The following ADAM23 variants were observed in gnomAD, a reference collection of about 807,000 sequenced individuals.
ADAM23 encodes the protein disintegrin and metalloproteinase domain-containing protein 23.
Under a neutral mutation model 120.1 loss-of-function variants are expected in ADAM23, and 33 were observed. That is an observed-to-expected ratio of 0.27 (90% CI 0.21 to 0.37). The LOEUF is 0.37. Ranked by LOEUF, ADAM23 falls within the 10% of genes least tolerant of loss-of-function variation. ADAM23 has a pLI of 1.00. For missense variants in ADAM23, 862 were observed against 1,058.2 expected, an observed-to-expected ratio of 0.81 and a Z score of 2.57; for synonymous variants, 367 against 375.2, an observed-to-expected ratio of 0.98 and a Z score of 0.25.
chr2:206,588,120 C>T lies in ADAM23; in HGVS notation c.1818C>T (p.Thr606=), dbSNP rs1472011271. The T allele has an allele frequency of 2.5e-6, 4 of 1,613,970 alleles. No individual in the cohort carries two copies. In the African/African-American group the frequency reaches 5.3e-5, roughly 22 times the overall value. The part of the protein sequence containing the change: ...QGRCYNGECK[T]RDNQCQYIWG... Reference sequence around the variant, plus strand: ...GCTGCTACAATGGCGAGTGCAAGACCAGAGACAACCAGTGTCAGTACATCT... The same window carrying T: ...GCTGCTACAATGGCGAGTGCAAGACTAGAGACAACCAGTGTCAGTACATCT... Residue 606 remains threonine (T), a synonymous_variant, in exon 20 of 26, where the codon ACC becomes ACT. Transcript: ENST00000264377.
chr2:206,499,805 C>A (rs1254431460), intron 3 of ADAM23, among the ~76,000 whole-genome samples: 1 of 152,002 alleles, frequency 6.6e-6, no homozygotes, highest in Admixed American at 6.6e-5. Flanking sequence ...TATTTTCATG[C>A]AGCTTTGAAT....
intron 3 of ADAM23, among the ~76,000 whole-genome samples, chr2:206,508,096 C>T (rs921054717): frequency 1.3e-5 from 2 of 152,098 alleles, no homozygotes; most frequent in African/African-American, 2.4e-5. Context: ...GTGGCGCAAT[C>T]TCGGCTCACT....
rs56206262 is a variant in ADAM23, at chr2:206,530,669, C to CTTTT, written c.510-197_510-194dup. 5.0e-3 allele frequency among the ~76,000 whole-genome samples: 372 copies of CTTTT among 74,782 alleles called. 1 individual carries two copies. The highest frequency in any genetic ancestry group is 5.9e-3 in the Non-Finnish European group (239 of 40,500). 49.1% of individuals were successfully genotyped at this position (74,782 alleles called of 152,430 possible). On this transcript the variant is annotated intron_variant, in intron 3 of 25. Transcript: ENST00000264377. ...CACCGTTGGATTGTCTGTGTCTTGTCTTTTTTTTTTTTTTTTTTTTTTCTG... is the reference window on the plus strand; with the variant it reads ...CACCGTTGGATTGTCTGTGTCTTGTCTTTTTTTTTTTTTTTTTTTTTTTTTTCTG...
chr2:206,504,823 A>C (rs1281011627), intron 3 of ADAM23, among the ~76,000 whole-genome samples: 1 of 152,176 alleles, frequency 6.6e-6, no homozygotes, highest in Non-Finnish European at 1.5e-5. Context: ...ATTCTCCTTT[A>C]CTAATAGGGA....
intron 3 of ADAM23, among the ~76,000 whole-genome samples, chr2:206,522,246 T>G (rs1696859094): frequency 6.6e-6 from 1 of 152,064 alleles, no homozygotes; most frequent in African/African-American, 2.4e-5. Context: ...CTTTTCCCCC[T>G]AGATTATTTT....
At chr2:206,592,154 A>T (rs1402937583) in intron 21 of ADAM23, among the ~76,000 whole-genome samples, 3 of 152,180 alleles carry the variant, frequency 2.0e-5, no homozygotes, top group Non-Finnish European at 4.4e-5. Context: ...TGTAAAGTGG[A>T]TACAAAAGCT....
intron 4 of ADAM23, among the ~76,000 whole-genome samples, chr2:206,531,320 T>C (rs1174476579): frequency 6.6e-6 from 1 of 152,216 alleles, no homozygotes; most frequent in Non-Finnish European, 1.5e-5. Flanking sequence ...ATGATTTTGC[T>C]GCCCAAGAAG....
intron 2 of ADAM23, among the ~76,000 whole-genome samples, chr2:206,473,843 A>G (rs911618077): frequency 6.6e-6 from 1 of 151,456 alleles, no homozygotes; most frequent in Admixed American, 6.6e-5. Flanking sequence ...CCCCATCTCT[A>G]TGAAAAAATA....
At chr2:206,496,904 G>T (rs1388353738) in intron 3 of ADAM23, among the ~76,000 whole-genome samples, 1 of 152,226 alleles carries the variant, frequency 6.6e-6, no homozygotes, top group Non-Finnish European at 1.5e-5. Context: ...AAATCTAGAA[G>T]AAATGGATAA....
At chr2:206,445,597 T>C in intron 2 of ADAM23, 73 bp downstream of exon 2, 1 of 1,343,418 alleles carries the variant, frequency 7.4e-7, no homozygotes, top group Non-Finnish European at 1.0e-6. Flanking sequence ...TCTGCCAGAA[T>C]CTGAGTTCAC....
chr2:206,607,162 C>T (rs908429854), intron 24 of ADAM23: 1 of 152,206 alleles, frequency 6.6e-6, no homozygotes, highest in African/African-American at 2.4e-5. Flanking sequence ...CACATCTCAT[C>T]TCTATGGACT....
At chr2:206,562,565 C>T (rs1285399839) in intron 13 of ADAM23, among the ~76,000 whole-genome samples, 1 of 152,126 alleles carries the variant, frequency 6.6e-6, no homozygotes, top group Admixed American at 6.5e-5. Context: ...GGGCTGGGGG[C>T]AGGGAATACT....
At chr2:206,578,696 A>G (rs1056948712) in intron 18 of ADAM23, among the ~76,000 whole-genome samples, 1 of 152,144 alleles carries the variant, frequency 6.6e-6, no homozygotes, top group Admixed American at 6.6e-5. Context: ...TTGTGCTACT[A>G]TAAACATCTG....
intron 14 of ADAM23, among the ~76,000 whole-genome samples, chr2:206,565,361 C>T (rs1697856814): frequency 6.6e-6 from 1 of 152,070 alleles, no homozygotes. Flanking sequence ...TTTTAGTACA[C>T]TTAGATTAAA....
At chr2:206,530,837 T>TC (rs773612110) in intron 3 of ADAM23, 48 bp from the exon 4 acceptor site, 18 of 1,557,410 alleles carry the variant, frequency 1.2e-5, no homozygotes, top group African/African-American at 5.4e-5. Flanking sequence ...TTTTTAAACC[T>TC]CCAAGTGTCT....
intron 4 of ADAM23, among the ~76,000 whole-genome samples, chr2:206,538,979 C>G (rs1022121686): frequency 9.9e-5 from 15 of 152,036 alleles, no homozygotes; most frequent in Non-Finnish European, 5.9e-5. Flanking sequence ...GTTGTAATCA[C>G]TAGACTCACA....
chr2:206,591,612 T>A (rs2105848639), intron 21 of ADAM23, among the ~76,000 whole-genome samples: 1 of 152,342 alleles, frequency 6.6e-6, no homozygotes, highest in Non-Finnish European at 1.5e-5. Flanking sequence ...CTATGAATAT[T>A]CTTGTATATG....
intron 3 of ADAM23, among the ~76,000 whole-genome samples, chr2:206,516,204 G>T (rs1696726343): frequency 6.8e-6 from 1 of 147,196 alleles, no homozygotes; most frequent in Admixed American, 6.9e-5. Flanking sequence ...TCATCCTGAA[G>T]CTTACATGGA....
intron 18 of ADAM23, among the ~76,000 whole-genome samples, chr2:206,577,658 A>C (rs1265761015): frequency 7.0e-6 from 1 of 141,902 alleles, no homozygotes; most frequent in Non-Finnish European, 1.5e-5. Flanking sequence ...AATCCAGTCT[A>C]TCATTGTTGG....
Sources: gnomAD v4.1 joint callset for allele counts (sites outside exome capture counted in the v4.1 genomes callset) on GRCh38, gnomAD v4.1.1 for gene constraint, MANE v1.5 for transcripts, NCBI Gene and HGNC (gene_info 2026-07-23, HGNC 2026-07-21) for gene names.